SLC35F2: variants seen among roughly 807,000 people sequenced by gnomAD.
The protein encoded by SLC35F2 is queuine/queuosine transporter SLC35F2.
In SLC35F2, 25 loss-of-function variants were observed where a neutral mutation model predicts 38.1. The observed-to-expected ratio is 0.66, with a 90% confidence interval of 0.48 to 0.92. SLC35F2 has a LOEUF of 0.92. Ranked by LOEUF, SLC35F2 falls within the 40% of genes least tolerant of loss-of-function variation. The pLI is 0.00. For synonymous variants in SLC35F2, 173 were observed against 181.7 expected (o/e 0.95, Z 0.38); for missense variants, 409 against 452.9 (o/e 0.90, Z 0.88).
rs570687110 is a variant in SLC35F2 at position 107,829,400 on chromosome 11, C to T, written c.111-13435G>A. Among the ~76,000 whole-genome samples, 11 of 150,124 alleles carry T rather than the reference C, an allele frequency of 7.3e-5. No individual in the cohort carries two copies. The South Asian group carries it at 2.3e-3, about 31-fold the overall frequency. ...TGCCACCGCACTACAGTCTGGGTGA[C>T]AGAGTGAGACTACATCTCAAAAAAA... On this transcript the variant is annotated intron_variant, in intron 1 of 7. Transcript: ENST00000525815.
At position 107,791,601 on chromosome 11, in the gene SLC35F2, C is replaced by G. The variant is rs765287589; in HGVS notation, c.*1014G>C. 2 of 152,166 alleles carry G rather than the reference C, an allele frequency of 1.3e-5. No homozygotes were observed. The highest frequency in any genetic ancestry group is 2.9e-5 in the Non-Finnish European group (2 of 68,066). The allele number at this position is 152,166 out of a possible 1,614,324, so 9.4% of individuals were successfully genotyped here. A position where few individuals can be genotyped will look rare whatever the true frequency, so the allele number is the denominator to read the frequency against. ...AACAAACAAACAAACAGGCCAGGCA[C>G]AGTGGTTCACATCTGTAATCCTAGC... On this transcript the variant is annotated 3_prime_UTR_variant, in exon 8 of 8. Coordinates refer to ENST00000525815, the MANE Select transcript of SLC35F2 (RefSeq NM_017515.5).
At chr11:107,836,664 A>C (rs1859936124) in intron 1 of SLC35F2, among the ~76,000 whole-genome samples, 1 of 152,206 alleles carries the variant, frequency 6.6e-6, no homozygotes, top group Admixed American at 6.5e-5. Flanking sequence ...AAGGCCAGGA[A>C]TTGATTCTCC....
chr11:107,852,990 C>G (rs1358021875), intron 1 of SLC35F2, among the ~76,000 whole-genome samples: 1 of 152,126 alleles, frequency 6.6e-6, no homozygotes, highest in Non-Finnish European at 1.5e-5. Flanking sequence ...ACACTGCACT[C>G]CAGCCTAGGG....
intron 2 of SLC35F2, among the ~76,000 whole-genome samples, chr11:107,815,047 C>T (rs1859545125): frequency 6.6e-6 from 1 of 151,940 alleles, no homozygotes; most frequent in South Asian, 2.1e-4. Context: ...CACTGCACTC[C>T]AGCCTGGGTG....
Position 107,858,749 on chromosome 11 carries a change from C to A in SLC35F2, c.19G>T (p.Ala7Ser). Residue 7 changes from alanine (A) to serine (S), a missense_variant, in exon 1 of 8, where the codon GCG becomes TCG. Coordinates refer to ENST00000525815, the MANE Select transcript of SLC35F2 (RefSeq NM_017515.5). ...AGGGGCTCTGGGGCGCCGGGGCCCG[C>A]TGGCGAGTCTGCCTCCATCGGCGCC... MEADSP[A>S]GPGAPEPLAE... is the part of the protein sequence containing the mutation. 7.9e-7 allele frequency: 1 copy of A among 1,272,700 alleles called. No homozygotes were observed. Among genetic ancestry groups the A allele is most frequent in the East Asian group, 3.0e-5 (1 of 33,800 alleles). 78.8% of individuals were successfully genotyped at this position (1,272,700 alleles called of 1,614,324 possible). A position where few individuals can be genotyped will look rare whatever the true frequency, so the allele number is the denominator to read the frequency against.
At chr11:107,811,559 G>T in intron 3 of SLC35F2, 108 bp downstream of exon 3, 1 of 1,071,926 alleles carries the variant, frequency 9.3e-7, no homozygotes. Flanking sequence ...CTGTGTTTAG[G>T]TTTTCTTCAA....
rs377656376 is a variant in SLC35F2, at chr11:107,801,701, GA to G, written c.939+1299del. On this transcript the variant is annotated intron_variant, in intron 7 of 7. Transcript: ENST00000525815. The stretch of plus-strand genomic sequence containing the variant: ...AATTTTCAAATTAGCTGTGAAGTTG[GA>G]AAAAAAAAATCTATATACTTGGTTC... 2.4e-3 allele frequency among the ~76,000 whole-genome samples: 351 copies of G among 149,026 alleles called. 2 individuals carry two copies. The highest frequency in any genetic ancestry group is 7.7e-3 in the African/African-American group (312 of 40,772).
chr11:107,803,185 T>G lies in SLC35F2; in HGVS notation c.785-30A>C, dbSNP rs747499930. The G allele has an allele frequency of 1.6e-5, 26 of 1,577,404 alleles. No individual in the cohort carries two copies. The African/African-American group carries it at 3.4e-4, about 21-fold the overall frequency. On this transcript the variant is annotated intron_variant, in intron 6 of 7. Coordinates refer to ENST00000525815, the MANE Select transcript of SLC35F2 (RefSeq NM_017515.5). ...GGAAAAAAACATGGAATATCTAATA[T>G]TAGGGCAAGAAAACATAAGACAAAG...
chr11:107,855,218 A>G (rs1438251182), intron 1 of SLC35F2, among the ~76,000 whole-genome samples: 1 of 152,184 alleles, frequency 6.6e-6, no homozygotes, highest in Non-Finnish European at 1.5e-5. Flanking sequence ...CAATAAAGGG[A>G]AGAGTTCAGG....
chr11:107,840,895 A>T (rs2134841795), intron 1 of SLC35F2: 1 of 152,394 alleles, frequency 6.6e-6, no homozygotes, highest in Admixed American at 6.5e-5. Context: ...CTAATCTAGA[A>T]AGCTCGTGGA....
At chr11:107,817,433 G>C (rs1859592545) in intron 1 of SLC35F2, among the ~76,000 whole-genome samples, 2 of 152,292 alleles carry the variant, frequency 1.3e-5, no homozygotes, top group African/African-American at 4.8e-5. Flanking sequence ...GCGTTTCAAA[G>C]AGGAAACTTT....
intron 1 of SLC35F2, among the ~76,000 whole-genome samples, chr11:107,844,745 C>T (rs1431814484): frequency 2.0e-5 from 3 of 151,962 alleles, no homozygotes; most frequent in Non-Finnish European, 4.4e-5. Flanking sequence ...GAGGCCAAAG[C>T]GGGCGGATCA....
chr11:107,821,491 G>A (rs1859672193), intron 1 of SLC35F2: 1 of 985,332 alleles, frequency 1.0e-6, no homozygotes, highest in Non-Finnish European at 1.2e-6. Flanking sequence ...ATTGAGCAAA[G>A]GAAGAAAGAA....
chr11:107,858,779 C>T lies in SLC35F2; in HGVS notation c.-12G>A. On this transcript the variant is annotated 5_prime_UTR_variant, in exon 1 of 8. Transcript: ENST00000525815. ...GAGTCTGCCTCCATCGGCGCCCTTGCGCGTCTCCGGCGCCCAAAACCCCCG... is the reference window on the plus strand; with the variant it reads ...GAGTCTGCCTCCATCGGCGCCCTTGTGCGTCTCCGGCGCCCAAAACCCCCG... The T allele has an allele frequency of 1.6e-6, 2 of 1,254,122 alleles. No homozygotes were observed. The highest frequency in any genetic ancestry group is 2.0e-6 in the Non-Finnish European group (2 of 991,378). The allele number at this position is 1,254,122 out of a possible 1,614,324, so 77.7% of individuals were successfully genotyped here.
At chr11:107,851,490 A>AAG (rs1336915054) in intron 1 of SLC35F2, among the ~76,000 whole-genome samples, 1 of 2,182 alleles carries the variant, frequency 4.6e-4, no homozygotes, top group Non-Finnish European at 9.1e-4. Context: ...AAAATAAATT[A>AAG]AAAAAAAAAA....
At chr11:107,853,582 T>C (rs1268755091) in intron 1 of SLC35F2, among the ~76,000 whole-genome samples, 1 of 151,036 alleles carries the variant, frequency 6.6e-6, no homozygotes, top group Non-Finnish European at 1.5e-5. Context: ...TAGCCGGGCG[T>C]GGTGGTGGGC....
chr11:107,839,980 T>C (rs1308434396), intron 1 of SLC35F2, among the ~76,000 whole-genome samples: 1 of 152,178 alleles, frequency 6.6e-6, no homozygotes, highest in East Asian at 1.9e-4. Context: ...TCAGCTATTC[T>C]CTTTGGATAT....
rs559714147 is a variant in SLC35F2 at position 107,806,991 on chromosome 11, T to G, written c.415-115A>C. On this transcript the variant is annotated intron_variant, in intron 3 of 7. Coordinates refer to ENST00000525815, the MANE Select transcript of SLC35F2 (RefSeq NM_017515.5). Reference sequence around the variant, plus strand: ...ATAGGAGTCAGTATTTATTGAGCATTTATTATTGCCAGCCCTGTACTAAGA... The same window carrying G: ...ATAGGAGTCAGTATTTATTGAGCATGTATTATTGCCAGCCCTGTACTAAGA... 1.7e-4 allele frequency: 151 copies of G among 906,232 alleles called. No homozygotes were observed. In the African/African-American group the frequency reaches 1.9e-3, roughly 11 times the overall value. 56.1% of individuals were successfully genotyped at this position (906,232 alleles called of 1,614,324 possible).
chr11:107,846,279 C>A (rs1860103807), intron 1 of SLC35F2, among the ~76,000 whole-genome samples: 1 of 151,338 alleles, frequency 6.6e-6, no homozygotes, highest in Non-Finnish European at 1.5e-5. Flanking sequence ...ACAAATAATC[C>A]ATATCAACGC....
Sources: gnomAD v4.1 joint callset for allele counts (sites outside exome capture counted in the v4.1 genomes callset) on GRCh38, gnomAD v4.1.1 for gene constraint, MANE v1.5 for transcripts, NCBI Gene and HGNC (gene_info 2026-07-23, HGNC 2026-07-21) for gene names.